The following ADD3 variants were observed in gnomAD, a reference collection of about 807,000 sequenced individuals.
ADD3 encodes adducin 3.
In ADD3, 25 loss-of-function variants were observed where a neutral mutation model predicts 80.2. That is an observed-to-expected ratio of 0.31 (90% CI 0.23 to 0.44). ADD3 has a LOEUF of 0.44. Ranked by LOEUF, ADD3 falls within the 20% of genes least tolerant of loss-of-function variation. The pLI is 1.00. For synonymous variants in ADD3, 284 were observed against 289.6 expected, an observed-to-expected ratio of 0.98 and a Z score of 0.20; for missense variants, 829 against 847.5, an observed-to-expected ratio of 0.98 and a Z score of 0.27.
Position 110,124,244 on chromosome 10 carries a change from C to T in ADD3, c.1371C>T (p.Asn457=), listed in dbSNP as rs765756419. The T allele has an allele frequency of 9.9e-6, 16 of 1,614,134 alleles. No individual in the cohort carries two copies. Among genetic ancestry groups the T allele is most frequent in the East Asian group, 6.7e-5 (3 of 44,886 alleles). ...MKVNVPEESR[N]GETSPRTKIT... ...TGAATGTGCCTGAGGAGTCTCGGAA[C>T]GGAGAAACCAGTCCCCGAACCAAAA... Residue 457 remains asparagine (N), a synonymous_variant, in exon 10 of 15, where the codon AAC becomes AAT. Transcript: ENST00000356080.
At position 110,116,453 on chromosome 10, in the gene ADD3, C is replaced by A. The variant is rs980475415; in HGVS notation, c.486+43C>A. The A allele has an allele frequency of 2.5e-6, 4 of 1,601,734 alleles. No homozygotes were observed. In the South Asian group the frequency reaches 4.4e-5, roughly 18 times the overall value. ...CAATTCCTTTTTTAAAAAATTCCAG[C>A]TAGAAGGCAACTATACTCTTCTTAC... is the stretch of plus-strand genomic sequence containing the variant. On this transcript the variant is annotated intron_variant, in intron 4 of 14. Coordinates refer to ENST00000356080, the MANE Select transcript of ADD3 (RefSeq NM_016824.5).
chr10:110,086,732 CT>C (rs1326075542), intron 1 of ADD3, among the ~76,000 whole-genome samples: 1 of 152,194 alleles, frequency 6.6e-6, no homozygotes, highest in African/African-American at 2.4e-5. Context: ...TCCAGCCAAG[CT>C]TCCTGTATAG....
intron 1 of ADD3, among the ~76,000 whole-genome samples, chr10:110,011,913 T>C (rs879707691): frequency 6.6e-6 from 1 of 152,240 alleles, no homozygotes; most frequent in African/African-American, 2.4e-5. Flanking sequence ...GCCAAGACAG[T>C]CTCAAATTTT....
At chr10:110,112,644 T>G (rs1025904352) in intron 2 of ADD3, 133 bp from the exon 3 acceptor site, 1 of 1,055,728 alleles carries the variant, frequency 9.5e-7, no homozygotes, top group African/African-American at 1.6e-5. Flanking sequence ...ATTTTGTGTT[T>G]TATATTTGTT....
upstream of ADD3, among the ~76,000 whole-genome samples, chr10:110,004,716 A>G (rs1851564080): frequency 6.6e-6 from 1 of 152,198 alleles, no homozygotes; most frequent in Non-Finnish European, 1.5e-5. Context: ...TCATTAACAA[A>G]AGCTGTGCAA....
chr10:110,120,942 G>A (rs1590213836), intron 8 of ADD3, among the ~76,000 whole-genome samples: 1 of 151,930 alleles, frequency 6.6e-6, no homozygotes. Context: ...AAACTGGCTA[G>A]CCATATGTAG....
chr10:110,051,175 A>G (rs1857476154), intron 1 of ADD3, among the ~76,000 whole-genome samples: 1 of 152,220 alleles, frequency 6.6e-6, no homozygotes, highest in Non-Finnish European at 1.5e-5. Context: ...TCAAAAACCT[A>G]AATAAAGAGC....
chr10:110,038,136 G>A (rs1855886684), intron 1 of ADD3, among the ~76,000 whole-genome samples: 1 of 150,066 alleles, frequency 6.7e-6, no homozygotes, highest in South Asian at 2.1e-4. Context: ...ATAAAAATTA[G>A]CAGTAAACCA....
intron 1 of ADD3, among the ~76,000 whole-genome samples, chr10:110,057,130 G>A (rs907188625): frequency 6.6e-6 from 1 of 152,012 alleles, no homozygotes; most frequent in African/African-American, 2.4e-5. Flanking sequence ...GTGACCCAGT[G>A]CATTTTTTCA....
At chr10:110,036,375 CTT>C (rs551028000) in intron 1 of ADD3, among the ~76,000 whole-genome samples, 1 of 116,792 alleles carries the variant, frequency 8.6e-6, no homozygotes, top group African/African-American at 3.5e-5. Flanking sequence ...TAGAAAGTGT[CTT>C]TTTTTTTTTT....
intron 1 of ADD3, among the ~76,000 whole-genome samples, chr10:110,092,793 AAAC>A (rs1270522064): frequency 6.6e-6 from 1 of 151,874 alleles, no homozygotes; most frequent in Non-Finnish European, 1.5e-5. Flanking sequence ...CTGAAAAAAA[AAAC>A]CCCTCAGTTT....
intron 5 of ADD3, among the ~76,000 whole-genome samples, 179 bp from the exon 6 acceptor site, chr10:110,118,408 T>C (rs918711582): frequency 6.6e-6 from 1 of 152,200 alleles, no homozygotes; most frequent in Non-Finnish European, 1.5e-5. Context: ...TACAGATTGT[T>C]TATGGCTGCT....
intron 1 of ADD3, among the ~76,000 whole-genome samples, chr10:110,032,224 G>T (rs1855129328): frequency 2.0e-5 from 3 of 152,206 alleles, no homozygotes; most frequent in Non-Finnish European, 4.4e-5. Context: ...GTAATCCTAG[G>T]TCATCTCTTA....
At chr10:110,133,068 A>G (rs975849363) in intron 14 of ADD3, among the ~76,000 whole-genome samples, 10 of 152,186 alleles carry the variant, frequency 6.6e-5, no homozygotes, top group African/African-American at 2.2e-4. Context: ...TAATTGATTT[A>G]CAATGAAACT....
At chr10:110,075,305 G>C (rs1845259803) in intron 1 of ADD3, among the ~76,000 whole-genome samples, 1 of 151,636 alleles carries the variant, frequency 6.6e-6, no homozygotes, top group South Asian at 2.1e-4. Flanking sequence ...CATGTATTTT[G>C]CTCTCTCTGT....
chr10:110,115,112 A>G (rs1464838474), intron 3 of ADD3, among the ~76,000 whole-genome samples: 2 of 146,576 alleles, frequency 1.4e-5, no homozygotes, highest in African/African-American at 2.5e-5. Context: ...GGGTGGGGCC[A>G]GTTGCAGTGG....
At chr10:110,088,079 A>G (rs2133838082) in intron 1 of ADD3, among the ~76,000 whole-genome samples, 1 of 152,198 alleles carries the variant, frequency 6.6e-6, no homozygotes, top group East Asian at 1.9e-4. Flanking sequence ...TTGGTGTCCA[A>G]ATCTCTCTCA....
chr10:110,006,530 C>A (rs1040133680), upstream of ADD3, among the ~76,000 whole-genome samples: 9 of 152,166 alleles, frequency 5.9e-5, no homozygotes, highest in Non-Finnish European at 1.2e-4. Context: ...AACTAGGCAG[C>A]CTTCCCCACG....
In ADD3 at chr10:110,135,542, C is replaced by T. The variant is rs1233302079; in HGVS notation, c.*1924C>T. ...TGTAATGCTAATTAATGTTAAATCA[C>T]AAATAAACAGTATTTTAAATATACG... On this transcript the variant is annotated 3_prime_UTR_variant, in exon 15 of 15. Coordinates refer to ENST00000356080, the MANE Select transcript of ADD3 (RefSeq NM_016824.5). 6.6e-6 allele frequency: 1 copy of T among 152,504 alleles called. No homozygotes were observed. The highest frequency in any genetic ancestry group is 1.5e-5 in the Non-Finnish European group (1 of 68,004). The allele number at this position is 152,504 out of a possible 1,614,324, so 9.4% of individuals were successfully genotyped here. A position where few individuals can be genotyped will look rare whatever the true frequency, so the allele number is the denominator to read the frequency against.
Sources: gnomAD v4.1 joint callset for allele counts (sites outside exome capture counted in the v4.1 genomes callset) on GRCh38, gnomAD v4.1.1 for gene constraint, MANE v1.5 for transcripts, NCBI Gene and HGNC (gene_info 2026-07-23, HGNC 2026-07-21) for gene names.